Variants in ISG20 observed in about 807,000 individuals in gnomAD.
ISG20 encodes the protein interferon-stimulated gene 20 kDa protein.
In ISG20, 8 loss-of-function variants were observed where a neutral mutation model predicts 11.1. The observed-to-expected ratio is 0.72, with a 90% CI of 0.42 to 1.30. ISG20 has a LOEUF of 1.30. Ranked by LOEUF, ISG20 falls within the 50% of genes most tolerant of loss-of-function variation. ISG20 has a pLI of 0.01. For missense variants in ISG20, 243 were observed against 250.2 expected, an observed-to-expected ratio of 0.97 and a Z score of 0.19; for synonymous variants, 110 against 101.7, an observed-to-expected ratio of 1.08 and a Z score of -0.49.
chr15:88,640,014 C>G (rs899347680), intron 2 of ISG20, among the ~76,000 whole-genome samples: 8 of 152,198 alleles, frequency 5.3e-5, no homozygotes, highest in African/African-American at 1.4e-4. Context: ...GGCTGAGCCT[C>G]GGGCTGAGGA....
chr15:88,639,326 C>A lies in ISG20; in HGVS notation c.-24-17C>A. ...TTTGCCCAAGCGTGAGACCGCCCCC[C>A]ATACCCCTCTCTCCAGCATCTCTGA... On this transcript the variant is annotated splice_polypyrimidine_tract_variant and intron_variant, in intron 1 of 3. Coordinates refer to ENST00000306072, the MANE Select transcript of ISG20 (RefSeq NM_002201.6). This position sits in a 1 kb window ranked among gnomAD's most constrained non-coding sequence, Gnocchi z 4.2. The A allele has an allele frequency of 6.6e-7, 1 of 1,508,374 alleles. No individual in the cohort carries two copies. Among genetic ancestry groups the A allele is most frequent in the African/African-American group, 1.4e-5 (1 of 72,568 alleles). The allele number at this position is 1,508,374 out of a possible 1,614,324, so 93.4% of individuals were successfully genotyped here.
rs1247760076 is a variant in ISG20 at position 88,650,066 on chromosome 15, A to G, written c.229-2044A>G. 9 of 610,692 alleles carry G rather than the reference A, an allele frequency of 1.5e-5. No homozygotes were observed. The highest frequency in any genetic ancestry group is 2.3e-5 in the Non-Finnish European group (8 of 340,562). The allele number at this position is 610,692 out of a possible 1,614,324, so 37.8% of individuals were successfully genotyped here. A position where few individuals can be genotyped will look rare whatever the true frequency, so the allele number is the denominator to read the frequency against. On this transcript the variant is annotated intron_variant, in intron 2 of 3. Transcript: ENST00000306072. The surrounding 1 kb of genome is among the most constrained non-coding windows in gnomAD (Gnocchi z 4.0). ...GGCTATCTAGAAGGAGAAGCAGGCT[A>G]CGGGGAAGGTGTTAGGCACCAGAAG...
At chr15:88,652,916 A>C (rs1035762792) in intron 3 of ISG20, among the ~76,000 whole-genome samples, 5 of 151,652 alleles carry the variant, frequency 3.3e-5, no homozygotes, top group African/African-American at 1.2e-4. Flanking sequence ...ATATTTGTAC[A>C]CCAGTTCCCA....
chr15:88,649,014 G>A (rs536429003), intron 2 of ISG20: 1 of 152,492 alleles, frequency 6.6e-6, no homozygotes, highest in African/African-American at 2.4e-5. Context: ...CGACTCCTGG[G>A]CTCCAGCAGG....
In ISG20 at chr15:88,655,703, G is replaced by A. The variant is rs990232908; in HGVS notation, c.*172G>A. 3.3e-5 allele frequency: 18 copies of A among 541,098 alleles called. No individual in the cohort carries two copies. Among genetic ancestry groups the A allele is most frequent in the Non-Finnish European group, 5.6e-5 (17 of 305,876 alleles). 33.5% of individuals were successfully genotyped at this position (541,098 alleles called of 1,614,324 possible). On this transcript the variant is annotated 3_prime_UTR_variant, in exon 4 of 4. Coordinates refer to ENST00000306072, the MANE Select transcript of ISG20 (RefSeq NM_002201.6). ...TCCAAGCTGGGTTAACAGTAGACAG[G>A]ACCCATTTCTGTGTGATGTTAGGAG...
chr15:88,642,728 C>T (rs1446736094), intron 2 of ISG20, among the ~76,000 whole-genome samples: 5 of 152,294 alleles, frequency 3.3e-5, no homozygotes, highest in Admixed American at 1.3e-4. Flanking sequence ...GGGAGTCTCC[C>T]GCCTTGACCT....
At chr15:88,653,599 A>ATAAT (rs1170584606) in intron 3 of ISG20, among the ~76,000 whole-genome samples, 2 of 152,064 alleles carry the variant, frequency 1.3e-5, no homozygotes, top group African/African-American at 2.4e-5. Flanking sequence ...AGCCTGACCC[A>ATAAT]GGGCCTTCTC....
intron 2 of ISG20, chr15:88,651,092 C>A: frequency 1.8e-6 from 1 of 561,108 alleles, no homozygotes; most frequent in Non-Finnish European, 2.3e-6. Context: ...GAATTGCGGT[C>A]CCAGAGAGAA....
chr15:88,652,420 TCCC>T (rs1567123455), intron 3 of ISG20, 110 bp downstream of exon 3: 3 of 14,592 alleles, frequency 2.1e-4, no homozygotes, highest in Non-Finnish European at 4.9e-4. Flanking sequence ...CCCCTCCTCC[TCCC>T]CCTCCTCCTT....
chr15:88,653,731 G>A (rs1393517297), intron 3 of ISG20, among the ~76,000 whole-genome samples: 1 of 116,176 alleles, frequency 8.6e-6, no homozygotes, highest in Non-Finnish European at 1.6e-5. Context: ...CCGCTCACAT[G>A]GACAGTGGTG....
chr15:88,655,660 C>G lies in ISG20; in HGVS notation c.*129C>G. ...TATTTTCTCTACGCCATCACTGGGT[C>G]CTCTTCTTATTCTTCTCTCCAAGCT... is the stretch of plus-strand genomic sequence containing the variant. On this transcript the variant is annotated 3_prime_UTR_variant, in exon 4 of 4. Coordinates refer to ENST00000306072, the MANE Select transcript of ISG20 (RefSeq NM_002201.6). 1 of 615,648 alleles carries G rather than the reference C, an allele frequency of 1.6e-6. No individual in the cohort carries two copies. 38.1% of individuals were successfully genotyped at this position (615,648 alleles called of 1,614,324 possible).
chr15:88,638,992 G>C (rs1038170527), upstream of ISG20: 1 of 291,512 alleles, frequency 3.4e-6, no homozygotes, highest in Non-Finnish European at 6.6e-6. Flanking sequence ...TGGAGTTAGA[G>C]ATGAGTCACC....
intron 2 of ISG20, among the ~76,000 whole-genome samples, chr15:88,641,744 G>T (rs2058084679): frequency 6.6e-6 from 1 of 152,044 alleles, no homozygotes; most frequent in African/African-American, 2.4e-5. Flanking sequence ...TGATTCTCCT[G>T]CCTCAGCCTT....
At position 88,650,273 on chromosome 15, in the gene ISG20, G is replaced by A. The variant is rs1337875472; in HGVS notation, c.229-1837G>A. 9 of 1,535,704 alleles carry A rather than the reference G, an allele frequency of 5.9e-6. No homozygotes were observed. Among genetic ancestry groups the A allele is most frequent in the Non-Finnish European group, 7.8e-6 (9 of 1,146,898 alleles). On this transcript the variant is annotated intron_variant, in intron 2 of 3. Transcript: ENST00000306072. The surrounding 1 kb of genome is among the most constrained non-coding windows in gnomAD (Gnocchi z 4.0). ...CCTCTCCAACGGCAGCTGAGTGAAA[G>A]CAAGCTGACTGGCCTGTGTGACCAG...
chr15:88,652,146 C>A lies in ISG20; in HGVS notation c.265C>A (p.His89Asn). ...QLLKGKLVVGHDLKHDFQALK... is the reference protein window; with the variant it reads ...QLLKGKLVVGNDLKHDFQALK... ...CCTGAAAGGCAAGCTGGTGGTGGGT[C>A]ATGACCTGAAGCACGACTTCCAGGC... is the stretch of plus-strand genomic sequence containing the variant. The change falls in exon 3 of 4, where the codon CAT (histidine) becomes AAT (asparagine). Residue 89 changes from histidine to asparagine, a missense_variant. Physicochemically the swap from His to Asn is moderately conservative, Grantham distance 68. Transcript: ENST00000306072. 6.2e-7 allele frequency: 1 copy of A among 1,614,036 alleles called. No homozygotes were observed. The highest frequency in any genetic ancestry group is 1.1e-5 in the South Asian group (1 of 91,060).
At chr15:88,655,251 C>A (rs1012704478) in intron 3 of ISG20, among the ~76,000 whole-genome samples, 164 bp from the exon 4 acceptor site, 1 of 152,398 alleles carries the variant, frequency 6.6e-6, no homozygotes, top group East Asian at 1.9e-4. Flanking sequence ...GCTCCAGCCA[C>A]CTGCTGAGTC....
At chr15:88,654,830 A>G (rs1279063947) in intron 3 of ISG20, among the ~76,000 whole-genome samples, 1 of 152,084 alleles carries the variant, frequency 6.6e-6, no homozygotes, top group Non-Finnish European at 1.5e-5. Flanking sequence ...GCACTACCCC[A>G]TAAAGTCTAG....
chr15:88,642,287 C>A (rs187462263), intron 2 of ISG20, among the ~76,000 whole-genome samples: 36 of 152,298 alleles, frequency 2.4e-4, no homozygotes, highest in African/African-American at 8.2e-4. Flanking sequence ...CCCTACTACT[C>A]CAGTGTGACT....
chr15:88,640,608 T>C (rs2058063791), intron 2 of ISG20, among the ~76,000 whole-genome samples: 1 of 152,154 alleles, frequency 6.6e-6, no homozygotes, highest in Non-Finnish European at 1.5e-5. Context: ...AGCAACTTTG[T>C]TGGGTTATTG....
Sources: allele counts gnomAD v4.1 joint callset (sites outside exome capture counted in the v4.1 genomes callset), GRCh38; gene constraint gnomAD v4.1.1; non-coding constraint Gnocchi (gnomAD v3.1); transcripts MANE v1.5; gene names NCBI Gene and HGNC (gene_info 2026-07-23, HGNC 2026-07-21).